Variants in ZNF365 observed in about 807,000 individuals in gnomAD.
The protein encoded by ZNF365 is zinc finger protein 365, also known as protein ZNF365.
ZNF365 carries 22 observed loss-of-function variants against 35.0 expected under a neutral mutation model. The observed-to-expected ratio is 0.63, with a 90% confidence interval of 0.45 to 0.90. ZNF365 has a LOEUF of 0.90. Ranked by LOEUF, ZNF365 falls within the 40% of genes least tolerant of loss-of-function variation. The pLI, the probability that ZNF365 is intolerant of heterozygous loss-of-function variation, is 0.00. For missense variants in ZNF365, 448 were observed against 500.3 expected (o/e 0.90, Z 1.00); for synonymous variants, 188 against 196.2 (o/e 0.96, Z 0.35).
chr10:62,376,875 A>G lies in ZNF365; in HGVS notation c.682A>G (p.Met228Val). Residue 228 changes from methionine (M) to valine (V), a missense_variant, in exon 2 of 5, where the codon ATG (methionine) becomes GTG (valine). This residue lies in a region of ZNF365 where 362 missense variants were observed against 375.7 expected (regional missense o/e 0.96). Transcript: ENST00000395254. ...LNRQVDVAVEMIAVLRQRLTE... is the reference protein window; with the variant it reads ...LNRQVDVAVEVIAVLRQRLTE... Reference sequence around the variant, plus strand: ...CAGACAGGTGGACGTGGCCGTGGAAATGATAGCTGTACTGAGGCAACGCCT... The same window carrying G: ...CAGACAGGTGGACGTGGCCGTGGAAGTGATAGCTGTACTGAGGCAACGCCT... 1 of 1,614,178 alleles carries G rather than the reference A, an allele frequency of 6.2e-7. No individual in the cohort carries two copies. Among genetic ancestry groups the G allele is most frequent in the Non-Finnish European group, 8.5e-7 (1 of 1,180,034 alleles).
rs2893899 is a variant in ZNF365, at chr10:62,401,635, A to C, written c.*1846A>C. The C allele has an allele frequency of 0.06, 58,890 of 984,922 alleles. 1,914 individuals carry two copies. The highest frequency in any genetic ancestry group is 0.11 in the South Asian group (2,438 of 21,274). 61.0% of individuals were successfully genotyped at this position (984,922 alleles called of 1,614,324 possible). ...AGAATTAACTTCCCCCTCTAAAGTTATTTATTATTGATGCTTATACCATGA... is the reference window on the plus strand; with the variant it reads ...AGAATTAACTTCCCCCTCTAAAGTTCTTTATTATTGATGCTTATACCATGA... On this transcript the variant is annotated 3_prime_UTR_variant, in exon 5 of 5. Transcript: ENST00000395254.
rs1482680687 is a variant in ZNF365, at chr10:62,400,086, T to G, written c.*297T>G. On this transcript the variant is annotated 3_prime_UTR_variant, in exon 5 of 5. Coordinates refer to ENST00000395254, the MANE Select transcript of ZNF365 (RefSeq NM_014951.3). ...GGCCCAGTCTCCAGTAATCTTGGCA[T>G]CTGGGCTTCTATGCAGTGGTCACTA... is the stretch of plus-strand genomic sequence containing the variant. 1.1e-4 allele frequency: 129 copies of G among 1,134,284 alleles called. No homozygotes were observed. The highest frequency in any genetic ancestry group is 1.4e-4 in the Non-Finnish European group (127 of 923,338). 70.3% of individuals were successfully genotyped at this position (1,134,284 alleles called of 1,614,324 possible).
At chr10:62,444,171 T>G (rs1292228750) in intron 3 of ZNF365, among the ~76,000 whole-genome samples, 1 of 152,166 alleles carries the variant, frequency 6.6e-6, no homozygotes, top group African/African-American at 2.4e-5. Context: ...GCTGATTATT[T>G]TCTGCCCCCA....
intron 4 of ZNF365, among the ~76,000 whole-genome samples, chr10:62,460,301 G>GC (rs1442289620): frequency 1.3e-5 from 2 of 152,160 alleles, no homozygotes; most frequent in Non-Finnish European, 2.9e-5. Flanking sequence ...TCTTTTATGT[G>GC]CCAGGGATGC....
chr10:62,469,586 TGTGAACTTTTTGAA>T (rs1266982380), intron 4 of ZNF365, among the ~76,000 whole-genome samples: 4 of 152,196 alleles, frequency 2.6e-5, no homozygotes, highest in Admixed American at 2.0e-4. Flanking sequence ...TCCCTTTTTC[TGTGAACTTTTTGAA>T]GTCTCATTAT....
intron 3 of ZNF365, among the ~76,000 whole-genome samples, chr10:62,438,548 A>C (rs1013679405): frequency 5.3e-5 from 8 of 152,148 alleles, no homozygotes; most frequent in Admixed American, 1.3e-4. Flanking sequence ...ACACATACAT[A>C]AAGTAATTTT....
intron 3 of ZNF365, among the ~76,000 whole-genome samples, chr10:62,415,869 T>G (rs2132443332): frequency 6.6e-6 from 1 of 152,316 alleles, no homozygotes; most frequent in Admixed American, 6.5e-5. Context: ...TGACTGCCTC[T>G]TACCAACTCA....
chr10:62,440,811 C>G (rs796608404), intron 3 of ZNF365, among the ~76,000 whole-genome samples: 26 of 152,278 alleles, frequency 1.7e-4, no homozygotes, highest in African/African-American at 6.0e-4. Flanking sequence ...GATTTACTCA[C>G]TTGTGAATTA....
At chr10:62,463,422 A>C (rs1840880801) in intron 4 of ZNF365, among the ~76,000 whole-genome samples, 3 of 152,232 alleles carry the variant, frequency 2.0e-5, no homozygotes, top group Non-Finnish European at 4.4e-5. Flanking sequence ...CTCTGGGCTC[A>C]AAAGAGCATC....
At chr10:62,466,001 G>A (rs1840937091) in intron 4 of ZNF365, among the ~76,000 whole-genome samples, 2 of 152,182 alleles carry the variant, frequency 1.3e-5, no homozygotes, top group Admixed American at 6.5e-5. Context: ...GGACAGGCCA[G>A]TCCAAGAGCT....
chr10:62,440,447 T>C (rs527263450), intron 3 of ZNF365, among the ~76,000 whole-genome samples: 5 of 152,268 alleles, frequency 3.3e-5, no homozygotes, highest in Admixed American at 2.0e-4. Context: ...TTTCCTTCTT[T>C]GCATAAAAAT....
At chr10:62,380,348 A>G (rs1399559479) in intron 2 of ZNF365, among the ~76,000 whole-genome samples, 1 of 152,248 alleles carries the variant, frequency 6.6e-6, no homozygotes, top group Admixed American at 6.5e-5. Context: ...AGAAGTAAAT[A>G]TATTTTCCTT....
At chr10:62,378,856 G>A (rs1200043316) in intron 2 of ZNF365, among the ~76,000 whole-genome samples, 1 of 152,140 alleles carries the variant, frequency 6.6e-6, no homozygotes. Context: ...TGACTGTTGT[G>A]TAGTATTCCA....
At chr10:62,465,241 A>T (rs1415250409) in intron 4 of ZNF365, among the ~76,000 whole-genome samples, 1 of 152,174 alleles carries the variant, frequency 6.6e-6, no homozygotes, top group East Asian at 1.9e-4. Context: ...GCGCTGACAC[A>T]CCAGTCGCCT....
At chr10:62,453,391 T>A (rs1231996866) in intron 3 of ZNF365, among the ~76,000 whole-genome samples, 4 of 152,252 alleles carry the variant, frequency 2.6e-5, no homozygotes. Context: ...TGTATTTGTC[T>A]TTCTGTTTCT....
chr10:62,397,074 G>A (rs897235752), intron 3 of ZNF365, among the ~76,000 whole-genome samples: 4 of 152,202 alleles, frequency 2.6e-5, no homozygotes, highest in African/African-American at 2.4e-5. Flanking sequence ...GGCGTTTGCC[G>A]GAGCCATCTG....
rs1840271687 is a variant in ZNF365 at position 62,427,687 on chromosome 10, A to G, written c.925-32054A>G. ...CGTATTTGCATTGCTTCACGGTGTT[A>G]CCCTGGAGGAATGTTGGCCTGCTAA... is the stretch of plus-strand genomic sequence containing the variant. On this transcript the variant is annotated intron_variant, in intron 3 of 4. Coordinates refer to the ZNF365 transcript ENST00000395255. 3.3e-5 allele frequency among the ~76,000 whole-genome samples: 5 copies of G among 152,096 alleles called. 1 individual carries two copies. Among genetic ancestry groups the G allele is most frequent in the Admixed American group, 3.3e-4 (5 of 15,272 alleles).
intron 3 of ZNF365, among the ~76,000 whole-genome samples, chr10:62,449,300 G>GTTGTT (rs1840640978): frequency 6.6e-6 from 1 of 152,170 alleles, no homozygotes; most frequent in Admixed American, 6.5e-5. Flanking sequence ...CAGAATAGAG[G>GTTGTT]TTGTTTTGGG....
intron 3 of ZNF365, among the ~76,000 whole-genome samples, chr10:62,445,347 C>T (rs546075353): frequency 1.5e-4 from 22 of 151,520 alleles, no homozygotes; most frequent in African/African-American, 5.1e-4. Flanking sequence ...TGAGGAATCA[C>T]CACACTGACT....
Sources: allele counts gnomAD v4.1 joint callset (sites outside exome capture counted in the v4.1 genomes callset), GRCh38; gene constraint gnomAD v4.1.1; regional missense constraint gnomAD v4.1.1; transcripts MANE v1.5; gene names NCBI Gene and HGNC (gene_info 2026-07-23, HGNC 2026-07-21).